The following KCNQ5 variants were observed in gnomAD, a reference collection of about 807,000 sequenced individuals.
The protein encoded by KCNQ5 is potassium voltage-gated channel subfamily Q member 5.
KCNQ5 carries 30 observed loss-of-function variants against 98.2 expected under a neutral mutation model. The ratio of observed to expected loss-of-function variants is 0.31; its 90% CI spans 0.23 to 0.41. The LOEUF is 0.41. Ranked by LOEUF, KCNQ5 falls within the 10% of genes least tolerant of loss-of-function variation. The pLI, the probability that KCNQ5 is intolerant of heterozygous loss-of-function variation, is 1.00. For synonymous variants in KCNQ5, 458 were observed against 449.4 expected (o/e 1.02, Z -0.24); for missense variants, 835 against 1,182.5 (o/e 0.71, Z 4.31).
chr6:72,760,431 G>GT (rs1772206402), intron 1 of KCNQ5, among the ~76,000 whole-genome samples: 2 of 145,458 alleles, frequency 1.4e-5, no homozygotes, highest in Non-Finnish European at 3.0e-5. Context: ...TAATAGAATT[G>GT]TTTTTTTCAG....
At position 73,171,097 on chromosome 6, in the gene KCNQ5, G is replaced by A. The variant is rs529004702; in HGVS notation, c.1577+1243G>A. Among the ~76,000 whole-genome samples the A allele has an allele frequency of 9.2e-5, 14 of 152,246 alleles. No individual in the cohort carries two copies. In the South Asian group the frequency reaches 2.7e-3, roughly 29 times the overall value. On this transcript the variant is annotated intron_variant, in intron 11 of 13. Coordinates refer to ENST00000370398, the MANE Select transcript of KCNQ5 (RefSeq NM_019842.4). ...TTGCCCTATAGCTGAGAGTCACTGG[G>A]AAAGCAGAAATGAGTTCTAAAGATT...
chr6:73,123,907 C>A (rs1179506231), intron 8 of KCNQ5, among the ~76,000 whole-genome samples: 2 of 152,180 alleles, frequency 1.3e-5, no homozygotes, highest in African/African-American at 4.8e-5. Flanking sequence ...ACAGACCCTA[C>A]ACCATGGTGC....
At chr6:72,769,755 A>G (rs1418295160) in intron 1 of KCNQ5, among the ~76,000 whole-genome samples, 6 of 152,114 alleles carry the variant, frequency 3.9e-5, no homozygotes, top group Non-Finnish European at 8.8e-5. Flanking sequence ...TTGTCTGAAA[A>G]CAAAGCTTTG....
chr6:73,154,957 G>T (rs1777306445), intron 10 of KCNQ5, among the ~76,000 whole-genome samples: 1 of 151,900 alleles, frequency 6.6e-6, no homozygotes, highest in South Asian at 2.1e-4. Flanking sequence ...GAATGACAAG[G>T]CACGGTCCTG....
At chr6:72,746,204 T>C (rs1161067293) in intron 1 of KCNQ5, among the ~76,000 whole-genome samples, 1 of 138,026 alleles carries the variant, frequency 7.2e-6, no homozygotes, top group Admixed American at 6.9e-5. Flanking sequence ...TTTTTTGTAA[T>C]TTTTTAGCAT....
intron 1 of KCNQ5, among the ~76,000 whole-genome samples, chr6:72,656,165 G>A (rs1193121774): frequency 2.6e-5 from 4 of 152,126 alleles, no homozygotes; most frequent in Non-Finnish European, 5.9e-5. Context: ...ATTAAAATTT[G>A]TTGCTGTTTC....
At chr6:72,722,555 G>A (rs913272417) in intron 1 of KCNQ5, among the ~76,000 whole-genome samples, 3 of 152,042 alleles carry the variant, frequency 2.0e-5, no homozygotes, top group Admixed American at 6.6e-5. Context: ...TGTATAAATC[G>A]CATCAGATGG....
chr6:72,821,859 G>A (rs1305723081), intron 1 of KCNQ5, among the ~76,000 whole-genome samples: 4 of 151,994 alleles, frequency 2.6e-5, no homozygotes, highest in Non-Finnish European at 4.4e-5. Flanking sequence ...ACTCTATGTA[G>A]TGATTTCTAG....
intron 11 of KCNQ5, among the ~76,000 whole-genome samples, chr6:73,172,187 C>A (rs1778039140): frequency 1.3e-5 from 2 of 151,846 alleles, no homozygotes; most frequent in Admixed American, 6.6e-5. Context: ...ATTGTGGTAC[C>A]TGAGGGGGAT....
chr6:73,158,254 A>AT (rs796118861), intron 10 of KCNQ5: 1,158 of 23,298 alleles, frequency 0.05, 32 homozygotes, highest in East Asian at 0.38. Context: ...ATTTTGGAAG[A>AT]TTTTTTTTTT....
chr6:73,180,824 C>T (rs74500898), intron 11 of KCNQ5, among the ~76,000 whole-genome samples: 1,672 of 152,182 alleles, frequency 0.011, 8 homozygotes, highest in Non-Finnish European at 0.014. Flanking sequence ...AATCAAACTG[C>T]CTCTTCAGTT....
intron 1 of KCNQ5, among the ~76,000 whole-genome samples, chr6:72,884,396 G>A (rs1045071241): frequency 6.6e-6 from 1 of 152,044 alleles, no homozygotes. Context: ...CCAATATGAA[G>A]CAAATACACT....
chr6:73,190,239 T>TAGTAA (rs1295175776), intron 11 of KCNQ5, among the ~76,000 whole-genome samples: 3 of 152,196 alleles, frequency 2.0e-5, no homozygotes, highest in Non-Finnish European at 4.4e-5. Context: ...AGATGTTGTA[T>TAGTAA]CTTGGACTTC....
intron 7 of KCNQ5, among the ~76,000 whole-genome samples, chr6:73,119,078 T>C (rs1344510288): frequency 6.6e-6 from 1 of 151,904 alleles, no homozygotes; most frequent in African/African-American, 2.4e-5. Context: ...TTTTGATTAA[T>C]CTACTATAAT....
chr6:72,901,961 G>C (rs1581986328), intron 1 of KCNQ5, among the ~76,000 whole-genome samples: 1 of 152,236 alleles, frequency 6.6e-6, no homozygotes, highest in Middle Eastern at 3.4e-3. Flanking sequence ...TCACAATATT[G>C]ATTCTACCCA....
At chr6:73,182,200 TATAA>T (rs1404899874) in intron 11 of KCNQ5, among the ~76,000 whole-genome samples, 2 of 152,220 alleles carry the variant, frequency 1.3e-5, no homozygotes, top group African/African-American at 4.8e-5. Flanking sequence ...GGCTTGTTTT[TATAA>T]ATAAAGTTTT....
chr6:72,951,450 T>TTTC (rs1212188307), intron 1 of KCNQ5, among the ~76,000 whole-genome samples: 1 of 150,746 alleles, frequency 6.6e-6, no homozygotes, highest in African/African-American at 2.4e-5. Flanking sequence ...GCAAATTTTT[T>TTTC]TTTTTTTTTT....
intron 3 of KCNQ5, among the ~76,000 whole-genome samples, chr6:73,049,687 A>G (rs1044720159): frequency 5.3e-5 from 8 of 152,172 alleles, no homozygotes; most frequent in Non-Finnish European, 8.8e-5. Flanking sequence ...CAAGATCCGT[A>G]TTTTCAGCAT....
At chr6:72,734,933 T>C (rs1257388483) in intron 1 of KCNQ5, among the ~76,000 whole-genome samples, 1 of 152,200 alleles carries the variant, frequency 6.6e-6, no homozygotes, top group Non-Finnish European at 1.5e-5. Flanking sequence ...CAATTTCACT[T>C]CAACTTCATG....
Sources: allele counts gnomAD v4.1 joint callset (sites outside exome capture counted in the v4.1 genomes callset), GRCh38; gene constraint gnomAD v4.1.1; transcripts MANE v1.5; gene names NCBI Gene and HGNC (gene_info 2026-07-23, HGNC 2026-07-21).